The following CIT variants were observed in gnomAD, a reference collection of about 807,000 sequenced individuals.
CIT encodes citron Rho-interacting kinase.
CIT carries 79 observed loss-of-function variants against 272.7 expected under a neutral mutation model. The observed-to-expected ratio is 0.29, with a 90% confidence interval of 0.24 to 0.35. The LOEUF (loss-of-function observed/expected upper bound fraction) is 0.35. CIT is among the 10% of genes least tolerant of loss of function. The pLI is 1.00. For synonymous variants in CIT, 948 were observed against 995.6 expected (o/e 0.95, Z 0.90); for missense variants, 1,909 against 2,618.3 (o/e 0.73, Z 5.91).
intron 23 of CIT, chr12:119,742,691 C>T: frequency 2.5e-6 from 1 of 403,006 alleles, no homozygotes; most frequent in Non-Finnish European, 4.4e-6. Flanking sequence ...CATACATGCA[C>T]ACCCTGTACA....
intron 9 of CIT, among the ~76,000 whole-genome samples, chr12:119,820,715 A>C (rs57059441): frequency 0.016 from 2,496 of 152,292 alleles, 71 homozygotes; most frequent in African/African-American, 0.057. Flanking sequence ...TCACGCCTGT[A>C]ATCCCAGTAT....
intron 4 of CIT, among the ~76,000 whole-genome samples, chr12:119,854,322 CG>C (rs1289874223): frequency 1.3e-5 from 2 of 151,396 alleles, no homozygotes; most frequent in Non-Finnish European, 2.9e-5. Context: ...CCACTGCACC[CG>C]GCCCACAAAA....
chr12:119,694,594 A>G lies in CIT; in HGVS notation c.5882+3065T>C, dbSNP rs1956127881. 6.6e-6 allele frequency among the ~76,000 whole-genome samples: 1 copy of G among 152,206 alleles called. No homozygotes were observed. The highest frequency in any genetic ancestry group is 1.5e-5 in the Non-Finnish European group (1 of 68,038). On this transcript the variant is annotated intron_variant, in intron 46 of 47. Transcript: ENST00000392521. The surrounding 1 kb of genome is among the most constrained non-coding windows in gnomAD (Gnocchi z 4.5). Reference sequence around the variant, plus strand: ...CAGGGCAGGCAAATTGCTTGAGCCCAGGAGTTCAAGACCAGCCTGGGCAAT... The same window carrying G: ...CAGGGCAGGCAAATTGCTTGAGCCCGGGAGTTCAAGACCAGCCTGGGCAAT...
At position 119,757,655 on chromosome 12, in the gene CIT, G is replaced by A; in HGVS notation, c.2532-110C>T. 6.7e-6 allele frequency: 9 copies of A among 1,351,844 alleles called. 1 individual carries two copies. The South Asian group carries it at 1.2e-4, about 18-fold the overall frequency. The allele number at this position is 1,351,844 out of a possible 1,614,324, so 83.7% of individuals were successfully genotyped here. A position where few individuals can be genotyped will look rare whatever the true frequency, so the allele number is the denominator to read the frequency against. On this transcript the variant is annotated intron_variant, in intron 21 of 47. Transcript: ENST00000392521. Reference sequence around the variant, plus strand: ...AGTTAGACATGTCTCCTCACTAAGTGGACTAGGGCCATTCCTGGGTTAGCT... The same window carrying A: ...AGTTAGACATGTCTCCTCACTAAGTAGACTAGGGCCATTCCTGGGTTAGCT...
At chr12:119,743,433 C>A (rs1015567414) in intron 23 of CIT, among the ~76,000 whole-genome samples, 3 of 152,044 alleles carry the variant, frequency 2.0e-5, no homozygotes, top group Non-Finnish European at 4.4e-5. Flanking sequence ...TGATGAACAA[C>A]AACAACCAAA....
At chr12:119,701,593 C>T (rs545201342) in intron 43 of CIT, 31 bp downstream of exon 43, 1 of 1,608,786 alleles carries the variant, frequency 6.2e-7, no homozygotes, top group South Asian at 1.1e-5. Context: ...CATGAGGACC[C>T]AAAAGGGCAG....
intron 5 of CIT, among the ~76,000 whole-genome samples, chr12:119,845,508 C>T (rs567994058): frequency 5.1e-4 from 78 of 151,490 alleles, no homozygotes; most frequent in African/African-American, 1.8e-3. Context: ...CAAAAATTTG[C>T]CGGACATGGT....
chr12:119,738,839 C>T (rs1176191079), intron 24 of CIT, among the ~76,000 whole-genome samples: 4 of 147,010 alleles, frequency 2.7e-5, no homozygotes, highest in Non-Finnish European at 5.9e-5. Context: ...GCCAAGATCA[C>T]GCCATTGCAC....
At position 119,704,440 on chromosome 12, in the gene CIT, A is replaced by C; in HGVS notation, c.5227T>G (p.Cys1743Gly). The change falls in exon 41 of 48, where the codon TGC (cysteine) becomes GGC (glycine). Residue 1743 changes from cysteine to glycine, a missense_variant. By Grantham distance (159) the Cys-to-Gly change is radical. Around this residue, in one of 8 missense-constraint regions of CIT, gnomAD observed 780 missense variants for 1,067.2 expected, o/e 0.73. Coordinates refer to ENST00000392521, the MANE Select transcript of CIT (RefSeq NM_001206999.2). The stretch of plus-strand genomic sequence containing the variant: ...TTGCTGGGCATGGCTGCACAGATGC[A>C]GAGCCCGTTCTCAATCTGAAAAGCA... ...FGAGKIENGL[C>G]ICAAMPSKVV... The C allele has an allele frequency of 6.2e-7, 1 of 1,613,968 alleles. No individual in the cohort carries two copies. The highest frequency in any genetic ancestry group is 1.3e-5 in the African/African-American group (1 of 75,056).
At chr12:119,777,692 A>G (rs1347557834) in intron 13 of CIT, among the ~76,000 whole-genome samples, 1 of 151,852 alleles carries the variant, frequency 6.6e-6, no homozygotes, top group Non-Finnish European at 1.5e-5. Flanking sequence ...AAAAACAAAA[A>G]AAAACACTTT....
At position 119,804,208 on chromosome 12, in the gene CIT, C is replaced by T. The variant is rs1345704700; in HGVS notation, c.1112-819G>A. 1 of 985,406 alleles carries T rather than the reference C, an allele frequency of 1.0e-6. No homozygotes were observed. Among genetic ancestry groups the T allele is most frequent in the Non-Finnish European group, 1.2e-6 (1 of 830,042 alleles). The allele number at this position is 985,406 out of a possible 1,614,324, so 61.0% of individuals were successfully genotyped here. A position where few individuals can be genotyped will look rare whatever the true frequency, so the allele number is the denominator to read the frequency against. On this transcript the variant is annotated intron_variant, in intron 9 of 47. Coordinates refer to ENST00000392521, the MANE Select transcript of CIT (RefSeq NM_001206999.2). The surrounding 1 kb of genome is among the most constrained non-coding windows in gnomAD (Gnocchi z 5.3). ...GGCTGGGGGCGTGTTACATCCTCTC[C>T]ACTTCCTCCGACCTACTAAGCGCTC...
intron 23 of CIT, among the ~76,000 whole-genome samples, chr12:119,744,209 C>T (rs566729979): frequency 6.6e-6 from 1 of 152,076 alleles, no homozygotes; most frequent in South Asian, 2.1e-4. Flanking sequence ...ACTGAGATCT[C>T]CTTTGAAAAC....
At chr12:119,817,723 T>C (rs1242910507) in intron 9 of CIT, among the ~76,000 whole-genome samples, 2 of 152,136 alleles carry the variant, frequency 1.3e-5, no homozygotes, top group Non-Finnish European at 2.9e-5. Flanking sequence ...GCACCTGACA[T>C]TGCACTTAAC....
intron 4 of CIT, among the ~76,000 whole-genome samples, chr12:119,855,327 A>G (rs1441812910): frequency 2.0e-5 from 3 of 151,728 alleles, no homozygotes; most frequent in Non-Finnish European, 4.4e-5. Context: ...GGAGGCTGAG[A>G]TAGGAGAATG....
chr12:119,752,237 T>G lies in CIT; in HGVS notation c.2717A>C (p.Glu906Ala). Residue 906 changes from glutamate to alanine, a missense_variant, in exon 23 of 48, where the codon GAG becomes GCG. Physicochemically the swap from Glu to Ala is moderately radical, Grantham distance 107 (BLOSUM62 -1). Transcript: ENST00000392521. ...GAGCTCCAGTTTCTGCTCCTCGTGC[T>G]CTAGACTGACCTGAGACAGAGAGAG... Reference protein sequence around the residue: ...LETRLREVSLEHEEQKLELKR... With the variant: ...LETRLREVSLAHEEQKLELKR... 1 of 1,606,790 alleles carries G rather than the reference T, an allele frequency of 6.2e-7. No individual in the cohort carries two copies. Among genetic ancestry groups the G allele is most frequent in the Non-Finnish European group, 8.5e-7 (1 of 1,179,166 alleles).
intron 47 of CIT, 52 bp from the exon 48 acceptor site, chr12:119,688,307 T>C: frequency 6.4e-7 from 1 of 1,553,144 alleles, no homozygotes; most frequent in Non-Finnish European, 8.9e-7. Context: ...GAAGTTGCTG[T>C]GCTCACCTTG....
intron 3 of CIT, among the ~76,000 whole-genome samples, chr12:119,867,855 A>C (rs1950558362): frequency 6.6e-6 from 1 of 152,216 alleles, no homozygotes; most frequent in Non-Finnish European, 1.5e-5. Context: ...GGCAAGGCCA[A>C]TATATGACTT....
In CIT at chr12:119,713,043, C is replaced by A; in HGVS notation, c.4579+160G>T. The A allele has an allele frequency of 1.5e-6, 1 of 676,092 alleles. No homozygotes were observed. 41.9% of individuals were successfully genotyped at this position (676,092 alleles called of 1,614,324 possible). On this transcript the variant is annotated intron_variant, in intron 35 of 47. Transcript: ENST00000392521. This position sits in a 1 kb window ranked among gnomAD's most constrained non-coding sequence, Gnocchi z 5.2. ...GGGAGACCTATAGATGTGAGTATCG[C>A]ACCAATAACCTTTAGAGAAGTCATT...
rs201559880 is a variant in CIT, at chr12:119,836,284, T to TAAAAAAAA, written c.517-2064_517-2057dup. Among the ~76,000 whole-genome samples, 174 of 42,238 alleles carry TAAAAAAAA rather than the reference T, an allele frequency of 4.1e-3. 15 individuals carry two copies. Among genetic ancestry groups the TAAAAAAAA allele is most frequent in the African/African-American group, 0.017 (170 of 9,826 alleles). The allele number at this position is 42,238 out of a possible 152,430, so 27.7% of individuals were successfully genotyped here. A position where few individuals can be genotyped will look rare whatever the true frequency, so the allele number is the denominator to read the frequency against. On this transcript the variant is annotated intron_variant, in intron 5 of 47. Coordinates refer to ENST00000392521, the MANE Select transcript of CIT (RefSeq NM_001206999.2). ...CCTGGCAACAGAGCGAGACTCCATC[T>TAAAAAAAA]AAAAAAAAAAAAAAAAAAAAAAAAA...
Sources: gnomAD v4.1 joint callset for allele counts (sites outside exome capture counted in the v4.1 genomes callset) on GRCh38, gnomAD v4.1.1 for gene constraint, gnomAD v4.1.1 regional missense constraint, Gnocchi (gnomAD v3.1) non-coding constraint, MANE v1.5 for transcripts, NCBI Gene and HGNC (gene_info 2026-07-23, HGNC 2026-07-21) for gene names.